The following WDR59 variants were observed in gnomAD, a reference collection of about 807,000 sequenced individuals.
WDR59 encodes the protein GATOR2 complex protein WDR59.
Under a neutral mutation model 131.2 loss-of-function variants are expected in WDR59, and 100 were observed. The observed-to-expected ratio is 0.76, with a 90% confidence interval of 0.65 to 0.90. The LOEUF is 0.90. Ranked by LOEUF, WDR59 falls within the 40% of genes least tolerant of loss-of-function variation. The pLI, the probability that WDR59 is intolerant of heterozygous loss-of-function variation, is 0.00. For synonymous variants in WDR59, 601 were observed against 466.2 expected (o/e 1.29, Z -3.72); for missense variants, 1,203 against 1,262.2 (o/e 0.95, Z 0.71).
chr16:74,944,840 A>G (rs1425702787), intron 6 of WDR59, among the ~76,000 whole-genome samples: 5 of 152,198 alleles, frequency 3.3e-5, no homozygotes, highest in African/African-American at 7.2e-5. Context: ...GGCTAAAAAA[A>G]GAACCACTTT....
intron 1 of WDR59, among the ~76,000 whole-genome samples, chr16:74,973,254 A>G (rs2034058557): frequency 6.6e-6 from 1 of 150,890 alleles, no homozygotes; most frequent in Admixed American, 6.7e-5. Context: ...AAACCATAAA[A>G]TTATACATGA....
chr16:74,931,064 T>C (rs531268712), intron 8 of WDR59, among the ~76,000 whole-genome samples: 14 of 152,146 alleles, frequency 9.2e-5, no homozygotes, highest in African/African-American at 2.6e-4. Context: ...GTTTGATAAT[T>C]TGGATTTATA....
At chr16:74,917,477 T>A (rs922962452) in intron 11 of WDR59, among the ~76,000 whole-genome samples, 4 of 152,142 alleles carry the variant, frequency 2.6e-5, no homozygotes, top group Non-Finnish European at 5.9e-5. Flanking sequence ...CTTGGTGTGG[T>A]ACACACCAGC....
intron 20 of WDR59, among the ~76,000 whole-genome samples, chr16:74,892,042 T>A (rs368352919): frequency 1.7e-4 from 26 of 152,212 alleles, no homozygotes; most frequent in East Asian, 9.6e-4. Flanking sequence ...TTTGTTATAA[T>A]ACACTGATAT....
At chr16:74,968,225 C>T (rs1164251639) in intron 1 of WDR59, among the ~76,000 whole-genome samples, 2 of 152,102 alleles carry the variant, frequency 1.3e-5, no homozygotes, top group African/African-American at 2.4e-5. Context: ...GATTTAGTCT[C>T]ATCAGTCCTT....
intron 8 of WDR59, among the ~76,000 whole-genome samples, chr16:74,927,353 T>C (rs2030916130): frequency 6.6e-6 from 1 of 151,974 alleles, no homozygotes; most frequent in East Asian, 1.9e-4. Context: ...CTTGGGAAGC[T>C]GAGGTAGGCA....
intron 25 of WDR59, among the ~76,000 whole-genome samples, chr16:74,875,237 G>C (rs1231445101): frequency 6.6e-6 from 1 of 152,206 alleles, no homozygotes. Flanking sequence ...GGGCTACCCT[G>C]AGTAAAACCT....
At chr16:74,948,604 C>A (rs766343721) in intron 5 of WDR59, 48 bp from the exon 6 acceptor site, 2 of 1,461,560 alleles carry the variant, frequency 1.4e-6, no homozygotes, top group Non-Finnish European at 1.9e-6. Context: ...TATGCCACCA[C>A]CCACCTGGTA....
intron 2 of WDR59, among the ~76,000 whole-genome samples, chr16:74,956,910 T>C (rs1355178663): frequency 6.6e-6 from 1 of 151,952 alleles, no homozygotes; most frequent in African/African-American, 2.4e-5. Flanking sequence ...CCTTTCCCAA[T>C]CCCCCAGCTA....
intron 6 of WDR59, among the ~76,000 whole-genome samples, chr16:74,947,179 T>C (rs1340779574): frequency 1.3e-5 from 2 of 152,226 alleles, no homozygotes; most frequent in Non-Finnish European, 2.9e-5. Context: ...CCAGTCGCGA[T>C]GGCTCAAGCC....
intron 17 of WDR59, among the ~76,000 whole-genome samples, chr16:74,908,497 G>A (rs35891782): frequency 0.49 from 74,825 of 152,136 alleles, 21,722 homozygotes; most frequent in Non-Finnish European, 0.64. Context: ...ATTACATATT[G>A]TTTGGTAATA....
At chr16:74,889,664 C>T in intron 21 of WDR59, 39 bp downstream of exon 21, 1 of 1,534,946 alleles carries the variant, frequency 6.5e-7, no homozygotes, top group Non-Finnish European at 9.0e-7. Flanking sequence ...CAAAAATGGA[C>T]ATCACTCATT....
intron 18 of WDR59, among the ~76,000 whole-genome samples, chr16:74,897,023 CTAAT>C (rs1482622972): frequency 8.5e-5 from 13 of 152,298 alleles, no homozygotes; most frequent in South Asian, 2.1e-4. Context: ...ATATTAAAAA[CTAAT>C]AAATAAATTC....
In WDR59 at chr16:74,929,265, C is replaced by T. The variant is rs141223700; in HGVS notation, c.652-5262G>A. On this transcript the variant is annotated intron_variant, in intron 8 of 25. Transcript: ENST00000262144. ...AATTTTTTTGTATTTTTAGTAGAGA[C>T]GGGGTTTCACTGTGTTAGCCAGGAT... Among the ~76,000 whole-genome samples the T allele has an allele frequency of 4.5e-4, 69 of 152,178 alleles. 1 individual carries two copies. The highest frequency in any genetic ancestry group is 3.4e-3 in the Middle Eastern group (1 of 294).
At chr16:74,940,662 A>C (rs2032147493) in intron 7 of WDR59, among the ~76,000 whole-genome samples, 1 of 152,132 alleles carries the variant, frequency 6.6e-6, no homozygotes, top group Admixed American at 6.5e-5. Context: ...CAAGTTCTAC[A>C]ACTCACCTGA....
chr16:74,913,700 C>T (rs1966217592), intron 13 of WDR59, among the ~76,000 whole-genome samples: 1 of 152,058 alleles, frequency 6.6e-6, no homozygotes, highest in South Asian at 2.1e-4. Context: ...AGTTAAATAC[C>T]AGACTCAACT....
chr16:74,918,861 T>C (rs545524908), intron 10 of WDR59, among the ~76,000 whole-genome samples: 1 of 152,104 alleles, frequency 6.6e-6, no homozygotes, highest in South Asian at 2.1e-4. Context: ...TTCTTATTGG[T>C]TCCTTCTCTG....
intron 17 of WDR59, among the ~76,000 whole-genome samples, chr16:74,905,526 C>T (rs974814083): frequency 6.9e-6 from 1 of 144,960 alleles, no homozygotes; most frequent in Admixed American, 6.9e-5. Context: ...TTAAAAAATA[C>T]AAAAAATTAG....
At chr16:74,886,612 C>T (rs1358958762) in intron 23 of WDR59, 3 of 521,278 alleles carry the variant, frequency 5.8e-6, no homozygotes, top group African/African-American at 3.9e-5. Flanking sequence ...ACTAAGTACA[C>T]ACACATGATG....
Sources: allele counts gnomAD v4.1 joint callset (sites outside exome capture counted in the v4.1 genomes callset), GRCh38; gene constraint gnomAD v4.1.1; transcripts MANE v1.5; gene names NCBI Gene and HGNC (gene_info 2026-07-23, HGNC 2026-07-21).